The following ADGRG3 variants were observed in gnomAD, a reference collection of about 807,000 sequenced individuals.
ADGRG3 encodes the protein G protein-coupled receptor 97.
ADGRG3 carries 39 observed loss-of-function variants against 54.3 expected under a neutral mutation model. The ratio of observed to expected loss-of-function variants is 0.72; its 90% confidence interval spans 0.56 to 0.94. The LOEUF is 0.94. Ranked by LOEUF, ADGRG3 falls within the 40% of genes least tolerant of loss-of-function variation. The pLI is 0.00. For synonymous variants in ADGRG3, 312 were observed against 290.0 expected (o/e 1.08, Z -0.77); for missense variants, 654 against 694.6 (o/e 0.94, Z 0.66).
Position 57,673,370 on chromosome 16 carries a change from C to T in ADGRG3, c.108C>T (p.Asn36=). 6.2e-7 allele frequency: 1 copy of T among 1,613,948 alleles called. No individual in the cohort carries two copies. Among genetic ancestry groups the T allele is most frequent in the Non-Finnish European group, 8.5e-7 (1 of 1,179,820 alleles). Reference sequence around the variant, plus strand: ...CAAGAAACACCTGCCTGGGGAGCAACAACATGTACGACATCTTCAACTTGA... The same window carrying T: ...CAAGAAACACCTGCCTGGGGAGCAATAACATGTACGACATCTTCAACTTGA... ...EGPRNTCLGS[N]NMYDIFNLND... Residue 36 remains asparagine, a synonymous_variant, in exon 2 of 12, where the codon AAC becomes AAT. Transcript: ENST00000333493.
chr16:57,684,442 C>G lies in ADGRG3; in HGVS notation c.1215C>G (p.Leu405=). Residue 405 remains leucine (L), a synonymous_variant, in exon 10 of 12, where the codon CTC becomes CTG. Coordinates refer to ENST00000333493, the MANE Select transcript of ADGRG3 (RefSeq NM_170776.5). ...CTGGGAGTGCCAACAGCTACGGCCTCTACACCATCCGTGATAGGGAGAACC... is the reference window on the plus strand; with the variant it reads ...CTGGGAGTGCCAACAGCTACGGCCTGTACACCATCCGTGATAGGGAGAACC... ...IGTGSANSYG[L]YTIRDRENRT... is the part of the protein sequence containing the mutation. The G allele has an allele frequency of 1.9e-6, 3 of 1,613,956 alleles. No individual in the cohort carries two copies. The highest frequency in any genetic ancestry group is 2.2e-5 in the East Asian group (1 of 44,868).
Position 57,676,187 on chromosome 16 carries a change from T to G in ADGRG3, c.207-13T>G. ...CAGGATCCTACCCTCCCCCCATCCC[T>G]GGCCCTTTGCAGATACTGGCTAAAC... On this transcript the variant is annotated splice_polypyrimidine_tract_variant and intron_variant, in intron 2 of 11. Transcript: ENST00000333493. 1.9e-6 allele frequency: 3 copies of G among 1,609,676 alleles called. No individual in the cohort carries two copies. Among genetic ancestry groups the G allele is most frequent in the Non-Finnish European group, 1.7e-6 (2 of 1,176,346 alleles).
chr16:57,668,469 G>C, intron 1 of ADGRG3, 64 bp downstream of exon 1: 1 of 1,422,260 alleles, frequency 7.0e-7, no homozygotes, highest in South Asian at 1.2e-5. Context: ...CCGAGGGAGG[G>C]ATCCAGGGAC....
chr16:57,687,701 G>C (rs914733119), intron 11 of ADGRG3, among the ~76,000 whole-genome samples: 1 of 152,240 alleles, frequency 6.6e-6, no homozygotes, highest in Non-Finnish European at 1.5e-5. Context: ...CATGCCTGGA[G>C]AATCCCAGGG....
intron 2 of ADGRG3, chr16:57,674,699 A>T: frequency 5.1e-6 from 2 of 390,330 alleles, no homozygotes; most frequent in South Asian, 3.6e-5. Context: ...AAGCTTATAC[A>T]TGGGCCAGGC....
intron 11 of ADGRG3, chr16:57,686,576 G>A (rs1463235): frequency 0.34 from 52,081 of 152,328 alleles, 9,327 homozygotes; most frequent in African/African-American, 0.45. Flanking sequence ...AAGCAGATAC[G>A]TTCTCTATCT....
chr16:57,676,093 G>C (rs2048257628), intron 2 of ADGRG3, 107 bp from the exon 3 acceptor site: 1 of 1,017,864 alleles, frequency 9.8e-7, no homozygotes, highest in Non-Finnish European at 1.5e-6. Context: ...CTGATCCCAG[G>C]GTCTTTACTT....
chr16:57,673,511 GGGA>G (rs2048200726), intron 2 of ADGRG3, 43 bp downstream of exon 2: 5 of 1,572,180 alleles, frequency 3.2e-6, no homozygotes, highest in Non-Finnish European at 4.3e-6. Context: ...TGAAGCTGCT[GGGA>G]GGAGGACTAT....
chr16:57,678,649 A>G, intron 4 of ADGRG3: 1 of 391,268 alleles, frequency 2.6e-6, no homozygotes, highest in East Asian at 5.1e-5. Context: ...GTGCACGCAC[A>G]AGCCCATGTA....
At chr16:57,688,205 G>T in intron 11 of ADGRG3, 147 bp from the exon 12 acceptor site, 2 of 647,810 alleles carry the variant, frequency 3.1e-6, no homozygotes, top group Non-Finnish European at 5.6e-6. Context: ...TTTTTGAAAT[G>T]GTTGTGAAAT....
At position 57,680,492 on chromosome 16, in the gene ADGRG3, G is replaced by A. The variant is rs191449016; in HGVS notation, c.769-13G>A. On this transcript the variant is annotated splice_polypyrimidine_tract_variant and intron_variant, in intron 7 of 11. Transcript: ENST00000333493. ...TCCAACTGACGTGGTCCCGGTTCTG[G>A]GGTCACCCACAGAGACCCACCTTGG... is the stretch of plus-strand genomic sequence containing the variant. The A allele has an allele frequency of 6.2e-7, 1 of 1,607,694 alleles. No homozygotes were observed. The highest frequency in any genetic ancestry group is 1.3e-5 in the African/African-American group (1 of 74,884).
At chr16:57,671,580 C>T (rs1170449895) in intron 1 of ADGRG3, among the ~76,000 whole-genome samples, 1 of 152,056 alleles carries the variant, frequency 6.6e-6, no homozygotes, top group Non-Finnish European at 1.5e-5. Flanking sequence ...GGTGATCCAC[C>T]CATCTCGGCC....
chr16:57,666,835 GCTT>G (rs1490908493), upstream of ADGRG3, among the ~76,000 whole-genome samples: 5 of 152,138 alleles, frequency 3.3e-5, no homozygotes, highest in African/African-American at 1.2e-4. Context: ...ACCCCCAGGC[GCTT>G]CTTCACACAC....
chr16:57,666,427 G>A (rs558576391), upstream of ADGRG3, among the ~76,000 whole-genome samples: 1 of 152,234 alleles, frequency 6.6e-6, no homozygotes, highest in Non-Finnish European at 1.5e-5. Context: ...TTCCCAGGCT[G>A]TGGGGCTTTG....
Position 57,668,351 on chromosome 16 carries a change from G to T in ADGRG3, c.4G>T (p.Ala2Ser). Residue 2 changes from alanine (A) to serine (S), a missense_variant, in exon 1 of 12, where the codon GCG (alanine) becomes TCG (serine). Physicochemically the swap from Ala to Ser is moderately conservative, Grantham distance 99. Coordinates refer to ENST00000333493, the MANE Select transcript of ADGRG3 (RefSeq NM_170776.5). ...GCGTGGGCAAGGCTGGCCAAGGATGGCGACGCCCAGGGGCCTGGGGGCCCT... is the reference window on the plus strand; with the variant it reads ...GCGTGGGCAAGGCTGGCCAAGGATGTCGACGCCCAGGGGCCTGGGGGCCCT... M[A>S]TPRGLGALLL... is the part of the protein sequence containing the mutation. The T allele has an allele frequency of 3.8e-6, 6 of 1,571,392 alleles. No individual in the cohort carries two copies. The highest frequency in any genetic ancestry group is 5.2e-6 in the Non-Finnish European group (6 of 1,164,560).
Position 57,679,195 on chromosome 16 carries a change from G to C in ADGRG3, c.511G>C (p.Gly171Arg). ...TTCACAGGGCCCCCGGCTCGGCCTG[G>C]GAGATGGCAGCGGCGTGTTGAACAA... ...TLFKGPRLGL[G>R]DGSGVLNNRL... Residue 171 changes from glycine to arginine, a missense_variant, in exon 5 of 12, where the codon GGA becomes CGA. By Grantham distance (125) the Gly-to-Arg change is moderately radical. Coordinates refer to ENST00000333493, the MANE Select transcript of ADGRG3 (RefSeq NM_170776.5). The C allele has an allele frequency of 6.2e-7, 1 of 1,613,936 alleles. No homozygotes were observed.
At chr16:57,675,217 C>A (rs1314667389) in intron 2 of ADGRG3, among the ~76,000 whole-genome samples, 1 of 151,824 alleles carries the variant, frequency 6.6e-6, no homozygotes, top group East Asian at 1.9e-4. Context: ...GGCTCGTGCC[C>A]AAAGTCATCC....
intron 3 of ADGRG3, 84 bp downstream of exon 3, chr16:57,676,422 C>T: frequency 7.7e-7 from 1 of 1,299,446 alleles, no homozygotes. Flanking sequence ...GAGTTATATC[C>T]TGTGATATAA....
At position 57,676,242 on chromosome 16, in the gene ADGRG3, G is replaced by T. The variant is rs1393731338; in HGVS notation, c.249G>T (p.Leu83Phe). 1.2e-6 allele frequency: 2 copies of T among 1,614,100 alleles called. No homozygotes were observed. The highest frequency in any genetic ancestry group is 3.3e-5 in the Admixed American group (2 of 60,024). The change falls in exon 3 of 12, where the codon TTG (leucine) becomes TTT (phenylalanine). Residue 83 changes from leucine to phenylalanine, a missense_variant. By Grantham distance (22) the Leu-to-Phe change is conservative (BLOSUM62 0). Coordinates refer to ENST00000333493, the MANE Select transcript of ADGRG3 (RefSeq NM_170776.5). ...AGGCCCATCTGATGAAGGAAGGTTT[G>T]ACGCAGAAGGTGAACACGCCTTTCC... ...NYEAHLMKEG[L>F]TQKVNTPFLK...
Sources: allele counts gnomAD v4.1 joint callset (sites outside exome capture counted in the v4.1 genomes callset), GRCh38; gene constraint gnomAD v4.1.1; transcripts MANE v1.5; gene names NCBI Gene and HGNC (gene_info 2026-07-23, HGNC 2026-07-21).